Variants in DAAM1 observed in about 807,000 individuals in gnomAD.
DAAM1 encodes dishevelled associated activator of morphogenesis 1.
Under a neutral mutation model 130.0 loss-of-function variants are expected in DAAM1, and 52 were observed. That is an observed-to-expected ratio of 0.40 (90% CI 0.32 to 0.50). DAAM1 has a LOEUF of 0.50. Ranked by LOEUF, DAAM1 falls within the 20% of genes least tolerant of loss-of-function variation. The pLI, the probability that DAAM1 is intolerant of heterozygous loss-of-function variation, is 0.61. For missense variants in DAAM1, 1,134 were observed against 1,303.8 expected, an observed-to-expected ratio of 0.87 and a Z score of 2.01; for synonymous variants, 452 against 444.5, an observed-to-expected ratio of 1.02 and a Z score of -0.21.
At chr14:59,267,574 CT>C (rs1250134280) in intron 2 of DAAM1, among the ~76,000 whole-genome samples, 20 of 152,012 alleles carry the variant, frequency 1.3e-4, no homozygotes, top group Non-Finnish European at 4.4e-5. Flanking sequence ...AATTCAGTGG[CT>C]TTTAGTATAT....
chr14:59,327,231 T>C (rs1885238064), intron 12 of DAAM1, among the ~76,000 whole-genome samples: 1 of 152,066 alleles, frequency 6.6e-6, no homozygotes, highest in Non-Finnish European at 1.5e-5. Context: ...GAAAAGCTTA[T>C]AGCATTTGCT....
In DAAM1 at chr14:59,324,146, G is replaced by T; in HGVS notation, c.793G>T (p.Asp265Tyr). 14 of 1,413,176 alleles carry T rather than the reference G, an allele frequency of 9.9e-6. No individual in the cohort carries two copies. Among genetic ancestry groups the T allele is most frequent in the Non-Finnish European group, 1.1e-5 (12 of 1,074,456 alleles). 87.5% of individuals were successfully genotyped at this position (1,413,176 alleles called of 1,614,324 possible). ...TRFQTLINDLDKSTGRYRDEV... is the reference protein window; with the variant it reads ...TRFQTLINDLYKSTGRYRDEV... ...TTGATAGACATTAATTAACGACTTGGATAAAAGCACTGGGCGGTATCGAGA... is the reference window on the plus strand; with the variant it reads ...TTGATAGACATTAATTAACGACTTGTATAAAAGCACTGGGCGGTATCGAGA... Residue 265 changes from aspartate to tyrosine, a missense_variant, in exon 7 of 25, where the codon GAT (aspartate) becomes TAT (tyrosine). Transcript: ENST00000360909.
chr14:59,248,306 ATGTTT>A (rs6145363), intron 1 of DAAM1, among the ~76,000 whole-genome samples: 40,713 of 150,004 alleles, frequency 0.27, 5,703 homozygotes, highest in South Asian at 0.3. Context: ...CTGTGGAATG[ATGTTT>A]TGTTTTGTTT....
intron 16 of DAAM1, among the ~76,000 whole-genome samples, chr14:59,342,852 C>CGGGAAGGTGGT (rs1885904652): frequency 6.6e-6 from 1 of 151,884 alleles, no homozygotes; most frequent in Admixed American, 6.6e-5. Flanking sequence ...GAGGAGGGGC[C>CGGGAAGGTGGT]GGGAAGGTGG....
intron 3 of DAAM1, chr14:59,299,883 C>G (rs1489996099): frequency 6.6e-6 from 1 of 151,996 alleles, no homozygotes; most frequent in African/African-American, 2.4e-5. Context: ...CACTTTTTTT[C>G]CTCTTAGCCA....
intron 2 of DAAM1, 176 bp downstream of exon 2, chr14:59,263,836 T>G: frequency 1.3e-6 from 1 of 774,520 alleles, no homozygotes; most frequent in South Asian, 1.7e-5. Flanking sequence ...GAAGGAAGAG[T>G]TAGAAGAGGG....
At chr14:59,198,198 C>A (rs1375824996) in intron 1 of DAAM1, among the ~76,000 whole-genome samples, 2 of 147,422 alleles carry the variant, frequency 1.4e-5, no homozygotes, top group East Asian at 4.0e-4. Flanking sequence ...CTTTTCTTTT[C>A]TTTTCTTTCT....
At chr14:59,264,599 C>T (rs1258086176) in intron 2 of DAAM1, 1 of 151,766 alleles carries the variant, frequency 6.6e-6, no homozygotes, top group Non-Finnish European at 1.5e-5. Context: ...CTGTATCCTG[C>T]TTTGATCACC....
chr14:59,305,794 T>C (rs769762195), intron 3 of DAAM1, among the ~76,000 whole-genome samples: 9 of 152,226 alleles, frequency 5.9e-5, no homozygotes, highest in Non-Finnish European at 5.9e-5. Context: ...TTTTCTTGCT[T>C]TTCTTGCTTT....
In DAAM1 at chr14:59,330,516, A is replaced by G; in HGVS notation, c.1388A>G (p.Gln463Arg). Reference protein sequence around the residue: ...EKMRKEHNELQQKLEKKEREC... With the variant: ...EKMRKEHNELRQKLEKKEREC... ...TCTCGTGTAGAGCACAATGAGCTAC[A>G]ACAGAAACTGGAAAAGAAAGAACGA... Residue 463 changes from glutamine (Q) to arginine (R), a missense_variant, in exon 13 of 25, where the codon CAA (glutamine) becomes CGA (arginine). This residue lies in a region of DAAM1 where 391 missense variants were observed against 521.6 expected (regional missense o/e 0.75). Transcript: ENST00000360909. The G allele has an allele frequency of 6.2e-7, 1 of 1,609,660 alleles. No homozygotes were observed. Among genetic ancestry groups the G allele is most frequent in the Non-Finnish European group, 8.5e-7 (1 of 1,178,216 alleles).
chr14:59,223,563 G>T (rs995422175), intron 1 of DAAM1, among the ~76,000 whole-genome samples: 2 of 152,116 alleles, frequency 1.3e-5, no homozygotes, highest in African/African-American at 4.8e-5. Context: ...GGATCATATG[G>T]CCCCAGTGGA....
chr14:59,266,562 T>G (rs1461819031), intron 2 of DAAM1, among the ~76,000 whole-genome samples: 1 of 152,248 alleles, frequency 6.6e-6, no homozygotes, highest in African/African-American at 2.4e-5. Context: ...AAACCAGAAC[T>G]TTAAGCTGAA....
At chr14:59,230,650 CAG>C (rs962003136) in intron 1 of DAAM1, among the ~76,000 whole-genome samples, 2 of 151,152 alleles carry the variant, frequency 1.3e-5, no homozygotes, top group African/African-American at 4.9e-5. Flanking sequence ...CAAAAAAACT[CAG>C]AATGAATGAG....
chr14:59,236,444 T>G (rs1330621693), intron 1 of DAAM1, among the ~76,000 whole-genome samples: 1 of 152,160 alleles, frequency 6.6e-6, no homozygotes, highest in African/African-American at 2.4e-5. Flanking sequence ...TTTTTGAGCA[T>G]GCCTCACCTT....
At chr14:59,285,133 G>C (rs1883385241) in intron 2 of DAAM1, among the ~76,000 whole-genome samples, 1 of 152,150 alleles carries the variant, frequency 6.6e-6, no homozygotes, top group Non-Finnish European at 1.5e-5. Context: ...TTATAAGCCA[G>C]AAGAGATTCA....
Position 59,338,454 on chromosome 14 carries a change from C to T in DAAM1, c.1969-1620C>T, listed in dbSNP as rs373589433. 2.5e-6 allele frequency: 4 copies of T among 1,605,844 alleles called. No homozygotes were observed. The African/African-American group carries it at 5.4e-5, about 21-fold the overall frequency. On this transcript the variant is annotated intron_variant, in intron 15 of 24. Coordinates refer to ENST00000360909, the MANE Select transcript of DAAM1 (RefSeq NM_001270520.2). ...ACCTAAAGCTTGCTTAATATAACTC[C>T]TTGGCTCACTGTAAGCTTGAAATCT...
chr14:59,362,906 A>G (rs1886765144), intron 22 of DAAM1: 1 of 152,244 alleles, frequency 6.6e-6, no homozygotes, highest in Admixed American at 6.5e-5. Context: ...GGCAAGTAAT[A>G]TAGCCCTCCA....
intron 2 of DAAM1, among the ~76,000 whole-genome samples, chr14:59,285,748 A>G (rs1883421388): frequency 6.6e-6 from 1 of 152,194 alleles, no homozygotes; most frequent in Non-Finnish European, 1.5e-5. Flanking sequence ...TACATACCCA[A>G]TATTGGAGCA....
At chr14:59,339,485 T>G (rs1885761017) in intron 15 of DAAM1, among the ~76,000 whole-genome samples, 1 of 152,206 alleles carries the variant, frequency 6.6e-6, no homozygotes, top group Admixed American at 6.5e-5. Flanking sequence ...AAGTAGCCTT[T>G]TATTGTTAGT....
Sources: gnomAD v4.1 joint callset for allele counts (sites outside exome capture counted in the v4.1 genomes callset) on GRCh38, gnomAD v4.1.1 for gene constraint, gnomAD v4.1.1 regional missense constraint, MANE v1.5 for transcripts, NCBI Gene and HGNC (gene_info 2026-07-23, HGNC 2026-07-21) for gene names.